Variants in AGBL1 observed in about 807,000 individuals in gnomAD.
AGBL1 encodes cytosolic carboxypeptidase 4.
Under a neutral mutation model 118.9 loss-of-function variants are expected in AGBL1, and 130 were observed. The observed-to-expected ratio is 1.09, with a 90% CI of 0.95 to 1.26. The LOEUF is 1.26. Among genes scored for constraint, AGBL1 ranks in the 50% most tolerant of loss-of-function variants. The pLI is 0.00. For missense variants in AGBL1, 1,584 were observed against 1,298.1 expected, an observed-to-expected ratio of 1.22 and a Z score of -3.38; for synonymous variants, 555 against 478.9, an observed-to-expected ratio of 1.16 and a Z score of -2.08.
chr15:86,239,845 G>A (rs867394279), intron 6 of AGBL1, among the ~76,000 whole-genome samples: 1 of 152,134 alleles, frequency 6.6e-6, no homozygotes, highest in Admixed American at 6.5e-5. Context: ...CTTTACATAG[G>A]TGCAAAGAAT....
intron 22 of AGBL1, among the ~76,000 whole-genome samples, chr15:86,895,987 C>G (rs1414576230): frequency 6.6e-6 from 1 of 151,976 alleles, no homozygotes; most frequent in Non-Finnish European, 1.5e-5. Context: ...CCCATTTACC[C>G]TAAACACGAC....
At chr15:86,765,187 C>G (rs1282266171) in intron 22 of AGBL1, among the ~76,000 whole-genome samples, 1 of 151,984 alleles carries the variant, frequency 6.6e-6, no homozygotes, top group Non-Finnish European at 1.5e-5. Flanking sequence ...AAGCCCCTGA[C>G]TTGTATTTTT....
At chr15:86,851,086 G>A (rs527469124) in intron 22 of AGBL1, among the ~76,000 whole-genome samples, 12 of 152,272 alleles carry the variant, frequency 7.9e-5, no homozygotes, top group African/African-American at 2.4e-4. Flanking sequence ...GATTAAGGGT[G>A]AGTGATGTCA....
chr15:86,429,426 G>A (rs370972393), intron 18 of AGBL1, among the ~76,000 whole-genome samples: 8 of 152,298 alleles, frequency 5.3e-5, no homozygotes, highest in Admixed American at 1.3e-4. Context: ...ATTTTTCTTC[G>A]AAAGTAAAAG....
At chr15:86,391,292 G>T (rs2081280603) in intron 17 of AGBL1, among the ~76,000 whole-genome samples, 1 of 151,998 alleles carries the variant, frequency 6.6e-6, no homozygotes, top group South Asian at 2.1e-4. Context: ...AAGATACATT[G>T]GTAAATGAAA....
intron 5 of AGBL1, among the ~76,000 whole-genome samples, chr15:86,189,461 C>T (rs1203527677): frequency 2.0e-5 from 3 of 152,130 alleles, no homozygotes; most frequent in African/African-American, 7.2e-5. Flanking sequence ...ATCGGATCCC[C>T]AGTGTTGGAG....
intron 22 of AGBL1, among the ~76,000 whole-genome samples, chr15:86,739,002 T>C (rs919854386): frequency 6.6e-6 from 1 of 151,942 alleles, no homozygotes; most frequent in Non-Finnish European, 1.5e-5. Flanking sequence ...AAAAATTAGC[T>C]GGGCATGGTG....
At chr15:86,605,692 T>G (rs1449256593) in intron 21 of AGBL1, among the ~76,000 whole-genome samples, 2 of 152,154 alleles carry the variant, frequency 1.3e-5, no homozygotes, top group African/African-American at 4.8e-5. Flanking sequence ...AAGCCAGGTT[T>G]TGATTTTTCA....
intron 5 of AGBL1, among the ~76,000 whole-genome samples, chr15:86,211,229 C>T (rs1232803413): frequency 6.6e-6 from 1 of 152,168 alleles, no homozygotes; most frequent in African/African-American, 2.4e-5. Context: ...TAGGGGCACC[C>T]ACCTATATGA....
intron 5 of AGBL1, among the ~76,000 whole-genome samples, chr15:86,205,909 A>G (rs2141869911): frequency 6.6e-6 from 1 of 152,266 alleles, no homozygotes; most frequent in Admixed American, 6.5e-5. Context: ...TACATGTGCC[A>G]TGTTGGTTTG....
intron 7 of AGBL1, among the ~76,000 whole-genome samples, chr15:86,255,890 C>T (rs570043623): frequency 3.9e-4 from 59 of 152,156 alleles, no homozygotes; most frequent in African/African-American, 1.4e-3. Flanking sequence ...ATGGAAGTAC[C>T]TGTAATGTTG....
chr15:86,569,490 ACT>A (rs1030324337), intron 21 of AGBL1, among the ~76,000 whole-genome samples: 4 of 151,434 alleles, frequency 2.6e-5, no homozygotes, highest in Non-Finnish European at 5.9e-5. Flanking sequence ...TTATGTTGAC[ACT>A]CTGTCATTCC....
chr15:86,600,222 G>A (rs112275181), intron 21 of AGBL1, among the ~76,000 whole-genome samples: 2 of 152,094 alleles, frequency 1.3e-5, no homozygotes, highest in Non-Finnish European at 2.9e-5. Flanking sequence ...TTGAAAGTAT[G>A]TTGCCTGTCA....
chr15:86,995,918 C>A (rs118025541), intron 24 of AGBL1, among the ~76,000 whole-genome samples: 5,195 of 152,248 alleles, frequency 0.034, 127 homozygotes, highest in Middle Eastern at 0.068. Context: ...TATGACACCA[C>A]TGCCTATCAT....
At chr15:86,650,646 GA>G (rs921911306) in intron 21 of AGBL1, among the ~76,000 whole-genome samples, 5 of 151,770 alleles carry the variant, frequency 3.3e-5, no homozygotes, top group South Asian at 2.1e-4. Flanking sequence ...AAAGGACAAA[GA>G]AAAAAAACCC....
intron 16 of AGBL1, among the ~76,000 whole-genome samples, chr15:86,292,305 C>A (rs1213803881): frequency 6.6e-6 from 1 of 152,034 alleles, no homozygotes; most frequent in Non-Finnish European, 1.5e-5. Context: ...CAGAGTGATG[C>A]AATTTTTGGC....
intron 18 of AGBL1, among the ~76,000 whole-genome samples, chr15:86,480,164 A>C (rs1266696817): frequency 1.3e-5 from 2 of 152,216 alleles, no homozygotes; most frequent in Admixed American, 1.3e-4. Flanking sequence ...GTAGCACACC[A>C]ACATGGCACA....
At chr15:86,293,952 T>A (rs1436385269) in intron 16 of AGBL1, among the ~76,000 whole-genome samples, 2 of 152,040 alleles carry the variant, frequency 1.3e-5, no homozygotes, top group East Asian at 3.9e-4. Flanking sequence ...GGCAGTGGTG[T>A]TTTTGTGCTA....
chr15:86,758,966 CAAAAAAAA>C (rs80297816), intron 22 of AGBL1, among the ~76,000 whole-genome samples: 1 of 80,914 alleles, frequency 1.2e-5, no homozygotes, highest in Admixed American at 1.4e-4. Context: ...GACACCCTGT[CAAAAAAAA>C]AAAAAAAAAA....
Sources: allele counts gnomAD v4.1 joint callset (sites outside exome capture counted in the v4.1 genomes callset), GRCh38; gene constraint gnomAD v4.1.1; transcripts MANE v1.5; gene names NCBI Gene and HGNC (gene_info 2026-07-23, HGNC 2026-07-21).